The following KIF13B variants were observed in gnomAD, a reference collection of about 807,000 sequenced individuals.
KIF13B encodes the protein kinesin-like protein KIF13B.
A neutral mutation model predicts 222.0 loss-of-function variants in KIF13B; 127 were observed. The ratio of observed to expected loss-of-function variants is 0.57; its 90% confidence interval spans 0.50 to 0.66. The LOEUF (loss-of-function observed/expected upper bound fraction) is 0.66. Among genes scored for constraint, KIF13B ranks in the 30% least tolerant of loss-of-function variants. The pLI, the probability that KIF13B is intolerant of heterozygous loss-of-function variation, is 0.00. For missense variants in KIF13B, 2,173 were observed against 2,379.0 expected (o/e 0.91, Z 1.80); for synonymous variants, 976 against 919.0 (o/e 1.06, Z -1.12).
At chr8:29,156,653 C>G (rs1038370737) in intron 13 of KIF13B, among the ~76,000 whole-genome samples, 6 of 151,706 alleles carry the variant, frequency 4.0e-5, no homozygotes, top group Non-Finnish European at 1.5e-5. Flanking sequence ...GCTGAGATCA[C>G]AGGCAGGCAC....
intron 35 of KIF13B, among the ~76,000 whole-genome samples, chr8:29,107,709 C>T (rs962360181): frequency 5.9e-5 from 9 of 151,800 alleles, no homozygotes; most frequent in African/African-American, 1.5e-4. Context: ...TACAGGTGCC[C>T]GCCACCTCGC....
At chr8:29,118,113 G>A (rs541574522) in intron 30 of KIF13B, among the ~76,000 whole-genome samples, 6 of 151,644 alleles carry the variant, frequency 4.0e-5, no homozygotes, top group African/African-American at 1.2e-4. Flanking sequence ...AGCTGAGATC[G>A]CACCATTGCG....
chr8:29,134,616 G>C (rs1353962588), intron 21 of KIF13B, among the ~76,000 whole-genome samples: 1 of 152,160 alleles, frequency 6.6e-6, no homozygotes, highest in Non-Finnish European at 1.5e-5. Context: ...AGCGAATGAA[G>C]AACAAAATCG....
rs951403685 is a variant in KIF13B, at chr8:29,072,431, A to G, written c.4522-115T>C. ...GCCAGGGGCAGTGGCTCAGCCTGTAACCCCAGTGCTTATGGAGGGCAAGAC... is the reference window on the plus strand; with the variant it reads ...GCCAGGGGCAGTGGCTCAGCCTGTAGCCCCAGTGCTTATGGAGGGCAAGAC... On this transcript the variant is annotated intron_variant, in intron 38 of 39. Coordinates refer to ENST00000524189, the MANE Select transcript of KIF13B (RefSeq NM_015254.4). The G allele has an allele frequency of 1.9e-5, 11 of 591,640 alleles. No individual in the cohort carries two copies. The East Asian group carries it at 3.5e-4, about 19-fold the overall frequency. The allele number at this position is 591,640 out of a possible 1,614,324, so 36.6% of individuals were successfully genotyped here.
intron 34 of KIF13B, among the ~76,000 whole-genome samples, chr8:29,108,873 G>A (rs973003048): frequency 2.6e-4 from 40 of 152,174 alleles, no homozygotes; most frequent in African/African-American, 8.9e-4. Flanking sequence ...TCAAAAATGA[G>A]GAAAAGAGTA....
chr8:29,209,873 C>A (rs374758368), intron 2 of KIF13B, among the ~76,000 whole-genome samples: 2 of 140,552 alleles, frequency 1.4e-5, no homozygotes, highest in African/African-American at 5.2e-5. Flanking sequence ...GCAGTGAGAC[C>A]CTACCTCTCC....
At chr8:29,126,579 A>C (rs1810120053) in intron 25 of KIF13B, 68 bp from the exon 26 acceptor site, 3 of 900,304 alleles carry the variant, frequency 3.3e-6, no homozygotes, top group Admixed American at 2.2e-5. Context: ...TACGCTAAAC[A>C]ATCTGACTCT....
intron 2 of KIF13B, among the ~76,000 whole-genome samples, chr8:29,242,176 C>G (rs1418788362): frequency 1.3e-5 from 2 of 152,118 alleles, no homozygotes. Flanking sequence ...GAAGATAAAA[C>G]TTAGCTTAAG....
In KIF13B at chr8:29,181,910, T is replaced by C. The variant is rs777201522; in HGVS notation, c.585+9A>G. On this transcript the variant is annotated intron_variant, in intron 7 of 39. Transcript: ENST00000524189. ...AAATTTAAATAGTTCACATACAGGA[T>C]GTTGTTACCTTGTAGCTTGTGACAG... 2 of 1,602,344 alleles carry C rather than the reference T, an allele frequency of 1.2e-6. No homozygotes were observed. The highest frequency in any genetic ancestry group is 1.7e-4 in the Middle Eastern group (1 of 6,034).
At chr8:29,250,088 T>G (rs1816214608) in intron 1 of KIF13B, 1 of 1,269,934 alleles carries the variant, frequency 7.9e-7, no homozygotes, top group Non-Finnish European at 1.0e-6. Flanking sequence ...GTCAAATCTG[T>G]ATCATACACA....
Position 29,182,050 on chromosome 8 carries a change from T to C in KIF13B, c.498-44A>G, listed in dbSNP as rs766596152. The C allele has an allele frequency of 2.7e-6, 4 of 1,496,404 alleles. No individual in the cohort carries two copies. In the African/African-American group the frequency reaches 5.5e-5, roughly 21 times the overall value. The allele number at this position is 1,496,404 out of a possible 1,614,324, so 92.7% of individuals were successfully genotyped here. A position where few individuals can be genotyped will look rare whatever the true frequency, so the allele number is the denominator to read the frequency against. The stretch of plus-strand genomic sequence containing the variant: ...GAAATGATTTTTTAACAATAGCCTA[T>C]TTTTAAAAAGGACTCAGCTCTGCTC... On this transcript the variant is annotated intron_variant, in intron 6 of 39. Transcript: ENST00000524189.
At chr8:29,117,486 T>A (rs1014772721) in intron 30 of KIF13B, among the ~76,000 whole-genome samples, 1 of 152,170 alleles carries the variant, frequency 6.6e-6, no homozygotes, top group Non-Finnish European at 1.5e-5. Flanking sequence ...AATTTCCCCA[T>A]CCCGGAACCA....
At chr8:29,228,472 A>AAAAAAAAAAATATATATATATATATAT in intron 2 of KIF13B, among the ~76,000 whole-genome samples, 8 of 117,078 alleles carry the variant, frequency 6.8e-5, no homozygotes, top group African/African-American at 2.6e-4. Flanking sequence ...ATCTTAAAAA[A>AAAAAAAAAAATATATATATATATATAT]ATATATATAT....
chr8:29,255,316 G>A (rs1292106533), intron 1 of KIF13B, among the ~76,000 whole-genome samples: 1 of 152,124 alleles, frequency 6.6e-6, no homozygotes, highest in East Asian at 1.9e-4. Flanking sequence ...CGGAATGGAT[G>A]ACCCCAGTAC....
intron 10 of KIF13B, among the ~76,000 whole-genome samples, chr8:29,169,450 G>A (rs564097349): frequency 6.6e-6 from 1 of 152,260 alleles, no homozygotes; most frequent in African/African-American, 2.4e-5. Flanking sequence ...TAAATAAGGT[G>A]ACCTGACATC....
intron 31 of KIF13B, among the ~76,000 whole-genome samples, chr8:29,115,648 T>C (rs1809560074): frequency 6.6e-6 from 1 of 152,140 alleles, no homozygotes; most frequent in South Asian, 2.1e-4. Context: ...CTAGAAGTTT[T>C]GTACTAAACC....
At chr8:29,140,297 T>C (rs1810756347) in intron 20 of KIF13B, 106 bp from the exon 21 acceptor site, 2 of 1,497,386 alleles carry the variant, frequency 1.3e-6, no homozygotes, top group Admixed American at 2.1e-5. Context: ...TAATGGTGTA[T>C]GGGAATTTAG....
chr8:29,222,776 A>G (rs1003494744), intron 2 of KIF13B, among the ~76,000 whole-genome samples: 1 of 152,034 alleles, frequency 6.6e-6, no homozygotes, highest in Non-Finnish European at 1.5e-5. Context: ...TACACCTGCT[A>G]CTGTTTCACT....
chr8:29,091,645 C>G (rs889855691), intron 37 of KIF13B, among the ~76,000 whole-genome samples: 2 of 152,244 alleles, frequency 1.3e-5, no homozygotes, highest in South Asian at 2.1e-4. Context: ...AACTGAATAA[C>G]GTACAAAATA....
Sources: gnomAD v4.1 joint callset for allele counts (sites outside exome capture counted in the v4.1 genomes callset) on GRCh38, gnomAD v4.1.1 for gene constraint, MANE v1.5 for transcripts, NCBI Gene and HGNC (gene_info 2026-07-23, HGNC 2026-07-21) for gene names.